RBM43: variants seen among roughly 807,000 people sequenced by gnomAD.
The protein encoded by RBM43 is RNA binding motif protein 43.
A neutral mutation model predicts 12.4 loss-of-function variants in RBM43; 12 were observed. The observed-to-expected ratio is 0.97, with a 90% CI of 0.62 to 1.57. The LOEUF (loss-of-function observed/expected upper bound fraction) is 1.57. Among genes scored for constraint, RBM43 ranks in the 40% most tolerant of loss-of-function variants. The pLI, the probability that RBM43 is intolerant of heterozygous loss-of-function variation, is 0.00. For synonymous variants in RBM43, 138 were observed against 145.7 expected (o/e 0.95, Z 0.38); for missense variants, 348 against 400.1 (o/e 0.87, Z 1.11).
At position 151,251,113 on chromosome 2, in the gene RBM43, T is replaced by G. The variant is rs1170564790; in HGVS notation, c.867A>C (p.Leu289Phe). Residue 289 changes from leucine (L) to phenylalanine (F), a missense_variant, in exon 4 of 4, where the codon TTA (leucine) becomes TTC (phenylalanine). Transcript: ENST00000331426. ...AAATAAATGTCTCTTTTCTAAGCTT[T>G]AAGTAAAGAGCATGTGACCATTCCT... is the stretch of plus-strand genomic sequence containing the variant. ...LIEEWSHALY[L>F]KLRKETFILE... is the part of the protein sequence containing the mutation. 6.2e-7 allele frequency: 1 copy of G among 1,613,612 alleles called. No individual in the cohort carries two copies. The highest frequency in any genetic ancestry group is 8.5e-7 in the Non-Finnish European group (1 of 1,179,698).
At position 151,251,448 on chromosome 2, in the gene RBM43, T is replaced by C. The variant is rs375113108; in HGVS notation, c.532A>G (p.Arg178Gly). Residue 178 changes from arginine (R) to glycine (G), a missense_variant, in exon 4 of 4, where the codon AGA (arginine) becomes GGA (glycine). Physicochemically the swap from Arg to Gly is moderately radical, Grantham distance 125. Coordinates refer to ENST00000331426, the MANE Select transcript of RBM43 (RefSeq NM_198557.3). Reference protein sequence around the residue: ...ARACSLLEKDRNFTSEERKWN... With the variant: ...ARACSLLEKDGNFTSEERKWN... Reference sequence around the variant, plus strand: ...TTTCTCTCCTCACTGGTAAAATTTCTGTCTTTTTCTAAGAGAGAACATGCT... The same window carrying C: ...TTTCTCTCCTCACTGGTAAAATTTCCGTCTTTTTCTAAGAGAGAACATGCT... The C allele has an allele frequency of 3.4e-5, 55 of 1,614,102 alleles. No individual in the cohort carries two copies. The highest frequency in any genetic ancestry group is 4.5e-5 in the Non-Finnish European group (53 of 1,180,038).
In RBM43 at chr2:151,250,900, A is replaced by AT. The variant is rs898232546; in HGVS notation, c.*5dup. The AT allele has an allele frequency of 5.1e-6, 8 of 1,576,604 alleles. No individual in the cohort carries two copies. The highest frequency in any genetic ancestry group is 2.0e-4 in the Middle Eastern group (1 of 4,970). ...CAGCCCTTATGACTATATTGCTGAG[A>AT]TTTTATTAACTAACCTTTTGCCCTA... On this transcript the variant is annotated 3_prime_UTR_variant, in exon 4 of 4. Transcript: ENST00000331426.
rs1682843528 is a variant in RBM43 at position 151,248,110 on chromosome 2, T to C, written c.*2796A>G. On this transcript the variant is annotated 3_prime_UTR_variant, in exon 4 of 4. Transcript: ENST00000331426. Reference sequence around the variant, plus strand: ...TCTTATAAAGGCTGTAAATCAAATTTGGGATAAAGCAGTTTGAGTCACTCA... The same window carrying C: ...TCTTATAAAGGCTGTAAATCAAATTCGGGATAAAGCAGTTTGAGTCACTCA... The C allele has an allele frequency of 6.6e-6, 1 of 152,140 alleles. No homozygotes were observed. The highest frequency in any genetic ancestry group is 2.4e-5 in the African/African-American group (1 of 41,446). The allele number at this position is 152,140 out of a possible 1,614,324, so 9.4% of individuals were successfully genotyped here. A position where few individuals can be genotyped will look rare whatever the true frequency, so the allele number is the denominator to read the frequency against.
chr2:151,261,473 G>T (rs756583361), intron 1 of RBM43: 1 of 1,550,462 alleles, frequency 6.4e-7, no homozygotes, highest in East Asian at 2.4e-5. Context: ...ATACTGCACC[G>T]CCGTACGTGA....
At chr2:151,253,127 T>A (rs1393961891) in intron 2 of RBM43, among the ~76,000 whole-genome samples, 2 of 152,194 alleles carry the variant, frequency 1.3e-5, no homozygotes, top group African/African-American at 4.8e-5. Context: ...CCATCTCTGT[T>A]AATTCTAGTC....
In RBM43 at chr2:151,261,841, C is replaced by T; in HGVS notation, c.-114G>A. 2 of 1,239,502 alleles carry T rather than the reference C, an allele frequency of 1.6e-6. No homozygotes were observed. Among genetic ancestry groups the T allele is most frequent in the Non-Finnish European group, 2.3e-6 (2 of 886,682 alleles). 76.8% of individuals were successfully genotyped at this position (1,239,502 alleles called of 1,614,324 possible). A position where few individuals can be genotyped will look rare whatever the true frequency, so the allele number is the denominator to read the frequency against. On this transcript the variant is annotated 5_prime_UTR_variant, in exon 1 of 4. Coordinates refer to ENST00000331426, the MANE Select transcript of RBM43 (RefSeq NM_198557.3). The stretch of plus-strand genomic sequence containing the variant: ...TTGGTTTCGTTTTTTGTTCCAGCTC[C>T]CTTGGAGGCTACGAAGAAAAGGGCG...
chr2:151,255,446 A>G (rs1682958706), intron 2 of RBM43, 87 bp downstream of exon 2: 2 of 972,158 alleles, frequency 2.1e-6, no homozygotes, highest in Admixed American at 4.4e-5. Context: ...AAATTTACCA[A>G]TTCCGTGGAT....
chr2:151,253,413 G>C (rs994116166), intron 2 of RBM43, among the ~76,000 whole-genome samples: 2 of 152,120 alleles, frequency 1.3e-5, no homozygotes, highest in Non-Finnish European at 2.9e-5. Context: ...TCTGCCTGTA[G>C]AACTCTCTAC....
At chr2:151,253,591 A>G (rs549314299) in intron 2 of RBM43, among the ~76,000 whole-genome samples, 5 of 152,270 alleles carry the variant, frequency 3.3e-5, no homozygotes, top group Admixed American at 6.5e-5. Flanking sequence ...GTACTGCCCT[A>G]TCAAAGCCAA....
chr2:151,261,737 G>T lies in RBM43; in HGVS notation c.-10C>A, dbSNP rs372923990. 583 of 1,602,898 alleles carry T rather than the reference G, an allele frequency of 3.6e-4. 6 individuals are homozygous for T. The South Asian group carries it at 6.3e-3, about 17-fold the overall frequency. ...AAAAGCAACTTGCCATGGCGGAGGG[G>T]AGACGCGCCCTCAGCGGCCGCAGAA... On this transcript the variant is annotated 5_prime_UTR_variant, in exon 1 of 4. Transcript: ENST00000331426.
At chr2:151,253,474 TA>T (rs1228461847) in intron 2 of RBM43, among the ~76,000 whole-genome samples, 1 of 152,174 alleles carries the variant, frequency 6.6e-6, no homozygotes, top group Admixed American at 6.6e-5. Context: ...TGTTGATAAC[TA>T]TCTCCCTCCC....
At chr2:151,260,593 A>G in intron 1 of RBM43, among the ~76,000 whole-genome samples, 1 of 152,232 alleles carries the variant, frequency 6.6e-6, no homozygotes, top group East Asian at 1.9e-4. Context: ...ATAAAGATGT[A>G]AATTTTGTTT....
chr2:151,251,783 G>A (rs1682907224), intron 3 of RBM43, 119 bp from the exon 4 acceptor site: 1 of 962,836 alleles, frequency 1.0e-6, no homozygotes, highest in East Asian at 2.6e-5. Flanking sequence ...GGCCCCAGTT[G>A]CCTGCCCCAG....
chr2:151,257,567 C>T (rs149993053), intron 1 of RBM43, among the ~76,000 whole-genome samples: 2,910 of 152,148 alleles, frequency 0.019, 282 homozygotes, highest in Admixed American at 0.17. Context: ...GTGGTGCATG[C>T]CTGTAATCCC....
At chr2:151,254,740 G>A (rs1682950245) in intron 2 of RBM43, among the ~76,000 whole-genome samples, 1 of 152,130 alleles carries the variant, frequency 6.6e-6, no homozygotes, top group Admixed American at 6.5e-5. Context: ...GGTGCAGGGA[G>A]CAGAATGGCT....
In RBM43 at chr2:151,260,574, GAAA is replaced by G. The variant is rs576731339; in HGVS notation, c.3+1148_3+1150del. Among the ~76,000 whole-genome samples, 258 of 152,048 alleles carry G rather than the reference GAAA, an allele frequency of 1.7e-3. 2 individuals carry two copies. Among genetic ancestry groups the G allele is most frequent in the African/African-American group, 6.1e-3 (252 of 41,486 alleles). ...TCTCCCTGAACCAGTATTTTTAGAAGAAAAAAACATAAAGATGTAAATTTTGTT... is the reference window on the plus strand; with the variant it reads ...TCTCCCTGAACCAGTATTTTTAGAAGAAAACATAAAGATGTAAATTTTGTT... On this transcript the variant is annotated intron_variant, in intron 1 of 3. Coordinates refer to ENST00000331426, the MANE Select transcript of RBM43 (RefSeq NM_198557.3).
chr2:151,253,739 A>G (rs1026161632), intron 2 of RBM43, among the ~76,000 whole-genome samples: 2 of 152,158 alleles, frequency 1.3e-5, no homozygotes, highest in East Asian at 3.9e-4. Flanking sequence ...TCCATGATCC[A>G]GCAGTTACTG....
intron 3 of RBM43, among the ~76,000 whole-genome samples, chr2:151,251,993 G>A (rs187020686): frequency 3.7e-4 from 57 of 152,298 alleles, no homozygotes; most frequent in Admixed American, 1.6e-3. Context: ...GTTCCCCCAG[G>A]AGTCATTCCT....
At position 151,254,860 on chromosome 2, in the gene RBM43, T is replaced by G. The variant is rs180774234; in HGVS notation, c.214+673A>C. Among the ~76,000 whole-genome samples, 1,149 of 152,298 alleles carry G rather than the reference T, an allele frequency of 7.5e-3. 22 individuals carry two copies. Among genetic ancestry groups the G allele is most frequent in the African/African-American group, 0.026 (1,100 of 41,560 alleles). ...TCTAAAATATATAATTGAGGCCACC[T>G]GAAAATTCCCAAAGTAGTCATCTTG... is the stretch of plus-strand genomic sequence containing the variant. On this transcript the variant is annotated intron_variant, in intron 2 of 3. Coordinates refer to ENST00000331426, the MANE Select transcript of RBM43 (RefSeq NM_198557.3).
Sources: allele counts gnomAD v4.1 joint callset (sites outside exome capture counted in the v4.1 genomes callset), GRCh38; gene constraint gnomAD v4.1.1; transcripts MANE v1.5; gene names NCBI Gene and HGNC (gene_info 2026-07-23, HGNC 2026-07-21).